The following LRPPRC variants were observed in gnomAD, a reference collection of about 807,000 sequenced individuals.
The protein encoded by LRPPRC is leucine-rich PPR motif-containing protein, mitochondrial.
A neutral mutation model predicts 180.3 loss-of-function variants in LRPPRC; 120 were observed. The ratio of observed to expected loss-of-function variants is 0.67; its 90% CI spans 0.57 to 0.77. The LOEUF is 0.77. Among genes scored for constraint, LRPPRC ranks in the 30% least tolerant of loss-of-function variants. The pLI, the probability that LRPPRC is intolerant of heterozygous loss-of-function variation, is 0.00. For missense variants in LRPPRC, 2,012 were observed against 1,657.2 expected (o/e 1.21, Z -3.72); for synonymous variants, 723 against 600.0 (o/e 1.21, Z -3.00).
At position 43,976,812 on chromosome 2, in the gene LRPPRC, T is replaced by G. The variant is rs993146217; in HGVS notation, c.650+182A>C. Among the ~76,000 whole-genome samples the G allele has an allele frequency of 2.0e-5, 3 of 152,228 alleles. 1 individual carries two copies. The South Asian group carries it at 6.2e-4, about 32-fold the overall frequency. ...ATTAAAATAGCAACTTTTACTTATC[T>G]TTTCTCTCTTACACGATAATTTTAT... On this transcript the variant is annotated intron_variant, in intron 5 of 37. Transcript: ENST00000260665.
intron 22 of LRPPRC, 138 bp from the exon 23 acceptor site, chr2:43,944,032 T>A (rs1259134441): frequency 1.5e-6 from 1 of 683,492 alleles, no homozygotes; most frequent in Non-Finnish European, 2.6e-6. Flanking sequence ...ACTACTTGCA[T>A]TTCTAAACGA....
chr2:43,972,885 T>A (rs571541630), intron 11 of LRPPRC, among the ~76,000 whole-genome samples: 1 of 152,306 alleles, frequency 6.6e-6, no homozygotes, highest in East Asian at 1.9e-4. Flanking sequence ...ATTTTTTGTT[T>A]CCCCAAGGGG....
chr2:43,992,283 C>T (rs773970708), intron 1 of LRPPRC, among the ~76,000 whole-genome samples: 79 of 151,856 alleles, frequency 5.2e-4, no homozygotes, highest in Non-Finnish European at 9.9e-4. Flanking sequence ...CCATCAAAGC[C>T]TTACAGATCC....
chr2:43,957,816 C>G (rs1413144634), intron 13 of LRPPRC, among the ~76,000 whole-genome samples: 1 of 152,094 alleles, frequency 6.6e-6, no homozygotes. Context: ...TAATACCCTA[C>G]AAGACTTTTG....
intron 27 of LRPPRC, among the ~76,000 whole-genome samples, chr2:43,919,455 G>C (rs1418122833): frequency 6.6e-6 from 1 of 152,184 alleles, no homozygotes; most frequent in Non-Finnish European, 1.5e-5. Flanking sequence ...TTGACATGAA[G>C]AGTTTCTATG....
At chr2:43,988,001 T>C (rs1174385347) in intron 1 of LRPPRC, among the ~76,000 whole-genome samples, 1 of 152,028 alleles carries the variant, frequency 6.6e-6, no homozygotes, top group African/African-American at 2.4e-5. Context: ...CCTAGCACTT[T>C]TGGAGGCCGA....
rs547242594 is a variant in LRPPRC at position 43,899,488 on chromosome 2, C to A, written c.3687G>T (p.Gln1229His). 1 of 1,614,166 alleles carries A rather than the reference C, an allele frequency of 6.2e-7. No individual in the cohort carries two copies. Among genetic ancestry groups the A allele is most frequent in the South Asian group, 1.1e-5 (1 of 91,082 alleles). Residue 1229 changes from glutamine to histidine, a missense_variant, in exon 33 of 38, where the codon CAG becomes CAT. Transcript: ENST00000260665. ...TACTCTTTTCAACTGCTGGTTCCAA[C>A]TGCTCCTCTATTACTTTTCTGAATA... is the stretch of plus-strand genomic sequence containing the variant. ...AYLFRKVIEE[Q>H]LEPAVEKISI...
chr2:43,952,750 A>C (rs1672954526), intron 14 of LRPPRC, among the ~76,000 whole-genome samples: 1 of 152,178 alleles, frequency 6.6e-6, no homozygotes, highest in Non-Finnish European at 1.5e-5. Context: ...AAATTTGGTA[A>C]GGCGATGTAA....
At chr2:43,932,365 A>C (rs1459947442) in intron 25 of LRPPRC, among the ~76,000 whole-genome samples, 1 of 152,112 alleles carries the variant, frequency 6.6e-6, no homozygotes, top group Non-Finnish European at 1.5e-5. Flanking sequence ...TAGTGAATCT[A>C]CCCAATGATA....
Position 43,950,396 on chromosome 2 carries a change from T to C in LRPPRC, c.1677+177A>G, listed in dbSNP as rs148835703. 3.8e-4 allele frequency among the ~76,000 whole-genome samples: 58 copies of C among 152,274 alleles called. 1 individual carries two copies. The East Asian group carries it at 0.01, about 27-fold the overall frequency. On this transcript the variant is annotated intron_variant, in intron 15 of 37. Coordinates refer to ENST00000260665, the MANE Select transcript of LRPPRC (RefSeq NM_133259.4). Reference sequence around the variant, plus strand: ...CCTCCTCCCATTGGATTCTTATCAATTGGATTCACAAACACTAAAAGACAC... The same window carrying C: ...CCTCCTCCCATTGGATTCTTATCAACTGGATTCACAAACACTAAAAGACAC...
intron 16 of LRPPRC, 25 bp from the exon 17 acceptor site, chr2:43,948,543 A>T: frequency 8.7e-7 from 1 of 1,143,466 alleles, no homozygotes. Flanking sequence ...AAGAGAAAGC[A>T]TTCCACTAAA....
Position 43,989,935 on chromosome 2 carries a change from C to T in LRPPRC, c.149+5864G>A, listed in dbSNP as rs549207765. Among the ~76,000 whole-genome samples, 10 of 152,250 alleles carry T rather than the reference C, an allele frequency of 6.6e-5. No homozygotes were observed. In the East Asian group the frequency reaches 1.7e-3, roughly 26 times the overall value. The stretch of plus-strand genomic sequence containing the variant: ...ACTTTGAAAATAATAAACATCAGGC[C>T]AGGTGCGGTGGCTCATGCCTTTAAT... On this transcript the variant is annotated intron_variant, in intron 1 of 37. Coordinates refer to ENST00000260665, the MANE Select transcript of LRPPRC (RefSeq NM_133259.4).
intron 31 of LRPPRC, 53 bp downstream of exon 31, chr2:43,905,639 G>T (rs2105001075): frequency 1.5e-6 from 2 of 1,315,850 alleles, no homozygotes; most frequent in South Asian, 2.3e-5. Flanking sequence ...GGCGTTACAA[G>T]AAAAATCTGC....
chr2:43,971,112 A>AG (rs1158264163), intron 11 of LRPPRC, among the ~76,000 whole-genome samples: 1 of 151,764 alleles, frequency 6.6e-6, no homozygotes, highest in African/African-American at 2.4e-5. Context: ...AAAAAAAAAA[A>AG]AGCAAGTTCC....
intron 35 of LRPPRC, among the ~76,000 whole-genome samples, chr2:43,895,912 C>T (rs1218794404): frequency 6.6e-6 from 1 of 152,098 alleles, no homozygotes. Flanking sequence ...ACTATGTACC[C>T]ACAGAAATTT....
chr2:43,934,049 T>A, intron 25 of LRPPRC, 141 bp downstream of exon 25: 1 of 622,452 alleles, frequency 1.6e-6, no homozygotes, highest in Non-Finnish European at 2.9e-6. Context: ...CTGGCCGAGA[T>A]CCCCCTCCCC....
At position 43,890,409 on chromosome 2, in the gene LRPPRC, T is replaced by TAC. The variant is rs891974362; in HGVS notation, c.3986-535_3986-534dup. 5.0e-5 allele frequency: 23 copies of TAC among 463,148 alleles called. No individual in the cohort carries two copies. The East Asian group carries it at 6.3e-4, about 13-fold the overall frequency. 28.7% of individuals were successfully genotyped at this position (463,148 alleles called of 1,614,324 possible). On this transcript the variant is annotated intron_variant, in intron 36 of 37. Transcript: ENST00000260665. Reference sequence around the variant, plus strand: ...TGGAAAGTATAGTTAGCTACAATGATACACACACACAAAAAACCTATAGGC... The same window carrying TAC: ...TGGAAAGTATAGTTAGCTACAATGATACACACACACACAAAAAACCTATAGGC...
At chr2:43,956,155 A>G (rs1479658284) in intron 14 of LRPPRC, among the ~76,000 whole-genome samples, 1 of 152,130 alleles carries the variant, frequency 6.6e-6, no homozygotes. Context: ...AACAAAAACC[A>G]GTGTTATTAA....
intron 1 of LRPPRC, among the ~76,000 whole-genome samples, chr2:43,987,491 C>CAAA (rs34151335): frequency 0.043 from 3,266 of 75,778 alleles, 161 homozygotes; most frequent in South Asian, 0.11. Flanking sequence ...CCAGACTCCT[C>CAAA]AAAAAAAAAA....
Sources: allele counts gnomAD v4.1 joint callset (sites outside exome capture counted in the v4.1 genomes callset), GRCh38; gene constraint gnomAD v4.1.1; transcripts MANE v1.5; gene names NCBI Gene and HGNC (gene_info 2026-07-23, HGNC 2026-07-21).